Variants in RASGEF1C observed in about 807,000 individuals in gnomAD.
The protein encoded by RASGEF1C is RasGEF domain family member 1C, also known as ras-GEF domain-containing family member 1C.
RASGEF1C carries 27 observed loss-of-function variants against 58.1 expected under a neutral mutation model. The observed-to-expected ratio is 0.46, with a 90% confidence interval of 0.34 to 0.64. The LOEUF (loss-of-function observed/expected upper bound fraction) is 0.64. Among genes scored for constraint, RASGEF1C ranks in the 30% least tolerant of loss-of-function variants. The pLI is 0.01. For missense variants in RASGEF1C, 502 were observed against 605.1 expected (o/e 0.83, Z 1.79); for synonymous variants, 243 against 246.3 (o/e 0.99, Z 0.13).
At position 180,114,438 on chromosome 5, in the gene RASGEF1C, G is replaced by T. The variant is rs773054766; in HGVS notation, c.1179+8C>A. 6.2e-7 allele frequency: 1 copy of T among 1,611,486 alleles called. No homozygotes were observed. The highest frequency in any genetic ancestry group is 2.2e-5 in the East Asian group (1 of 44,792). ...CTACCTCAGTGGCGGTCCACACGGAGGTCCTACCTCAAAGTTGACGTGTCC... is the reference window on the plus strand; with the variant it reads ...CTACCTCAGTGGCGGTCCACACGGATGTCCTACCTCAAAGTTGACGTGTCC... On this transcript the variant is annotated splice_region_variant and intron_variant, in intron 11 of 13. Coordinates refer to ENST00000361132, the MANE Select transcript of RASGEF1C (RefSeq NM_175062.4).
At chr5:180,151,091 T>G (rs1436041809) in intron 1 of RASGEF1C, among the ~76,000 whole-genome samples, 2 of 151,912 alleles carry the variant, frequency 1.3e-5, no homozygotes, top group Non-Finnish European at 2.9e-5. Context: ...GGAAGAACAT[T>G]CCATGCTCAT....
chr5:180,162,715 C>T (rs1170901404), intron 1 of RASGEF1C, among the ~76,000 whole-genome samples: 3 of 152,280 alleles, frequency 2.0e-5, no homozygotes, highest in South Asian at 4.1e-4. Flanking sequence ...AGTTCCTTTG[C>T]CTTTCTATAT....
intron 1 of RASGEF1C, among the ~76,000 whole-genome samples, chr5:180,182,448 G>A (rs115257708): frequency 2.0e-4 from 30 of 152,294 alleles, no homozygotes; most frequent in African/African-American, 5.8e-4. Context: ...AGCTTCCACA[G>A]CTGGAAGAGA....
At chr5:180,173,820 G>C (rs566556661) in intron 1 of RASGEF1C, among the ~76,000 whole-genome samples, 1 of 152,076 alleles carries the variant, frequency 6.6e-6, no homozygotes, top group East Asian at 1.9e-4. Context: ...GGCTGAGGCA[G>C]GAGAATCGCT....
In RASGEF1C at chr5:180,158,249, CA is replaced by C. The variant is rs1167059419; in HGVS notation, c.-6-20192del. Among the ~76,000 whole-genome samples, 1 of 152,176 alleles carries C rather than the reference CA, an allele frequency of 6.6e-6. No homozygotes were observed. The highest frequency in any genetic ancestry group is 1.9e-4 in the East Asian group (1 of 5,198). ...CTCTGGATGTGGTACGAAGCTGTTA[CA>C]CTGAGATCACCTTTCACCATCCTCC... On this transcript the variant is annotated intron_variant, in intron 1 of 13. Transcript: ENST00000361132. The surrounding 1 kb of genome is among the most constrained non-coding windows in gnomAD (Gnocchi z 4.0).
At position 180,119,231 on chromosome 5, in the gene RASGEF1C, C is replaced by T. The variant is rs1432485702; in HGVS notation, c.907+115G>A. On this transcript the variant is annotated intron_variant, in intron 8 of 13. Transcript: ENST00000361132. ...GGCCTTCAGAGAGCCCGGCCCACGCCCTCCCGCTGCTCAGAGGAGAGCCCT... is the reference window on the plus strand; with the variant it reads ...GGCCTTCAGAGAGCCCGGCCCACGCTCTCCCGCTGCTCAGAGGAGAGCCCT... The T allele has an allele frequency of 3.3e-6, 3 of 906,180 alleles. No individual in the cohort carries two copies. In the East Asian group the frequency reaches 7.4e-5, roughly 22 times the overall value. The allele number at this position is 906,180 out of a possible 1,614,324, so 56.1% of individuals were successfully genotyped here.
intron 4 of RASGEF1C, among the ~76,000 whole-genome samples, chr5:180,130,798 A>G (rs1159526599): frequency 6.6e-6 from 1 of 151,768 alleles, no homozygotes; most frequent in Non-Finnish European, 1.5e-5. Context: ...TCTGCTTCAC[A>G]CCTGCAGTCT....
At position 180,136,411 on chromosome 5, in the gene RASGEF1C, C is replaced by T. The variant is rs1457561112; in HGVS notation, c.405G>A (p.Lys135=). The change falls in exon 4 of 14, where the codon AAG becomes AAA. Residue 135 remains lysine (K), a synonymous_variant. Coordinates refer to ENST00000361132, the MANE Select transcript of RASGEF1C (RefSeq NM_175062.4). ...AGGGGGCGATGCGGCCCACGACGTC[C>T]TTAAGGTGCCCGATAGTCGACTCTT... is the stretch of plus-strand genomic sequence containing the variant. ...FQEESTIGHL[K]DVVGRIAPCD... is the part of the protein sequence containing the mutation. The T allele has an allele frequency of 1.9e-6, 3 of 1,560,094 alleles. No individual in the cohort carries two copies. Among genetic ancestry groups the T allele is most frequent in the African/African-American group, 1.4e-5 (1 of 73,414 alleles).
chr5:180,126,432 G>A (rs575914088), intron 6 of RASGEF1C, among the ~76,000 whole-genome samples: 8 of 152,006 alleles, frequency 5.3e-5, no homozygotes, highest in Non-Finnish European at 8.8e-5. Context: ...TCTCCCTCCC[G>A]TTCCTGCCTC....
intron 1 of RASGEF1C, among the ~76,000 whole-genome samples, chr5:180,187,252 T>C (rs1220302549): frequency 1.3e-5 from 2 of 152,214 alleles, no homozygotes; most frequent in African/African-American, 4.8e-5. Context: ...CCTCTTACCA[T>C]ATATAATTAT....
At position 180,130,923 on chromosome 5, in the gene RASGEF1C, G is replaced by C. The variant is rs555496110; in HGVS notation, c.439-2313C>G. Among the ~76,000 whole-genome samples the C allele has an allele frequency of 2.0e-5, 3 of 152,162 alleles. No homozygotes were observed. In the South Asian group the frequency reaches 6.2e-4, roughly 32 times the overall value. On this transcript the variant is annotated intron_variant, in intron 4 of 13. Transcript: ENST00000361132. ...TCCTTGTCCAAAGCTGGTATTCCCA[G>C]TGTTGGTGGATAGCGCGTCGGCCAC...
At chr5:180,152,157 G>A (rs1421189575) in intron 1 of RASGEF1C, among the ~76,000 whole-genome samples, 1 of 152,058 alleles carries the variant, frequency 6.6e-6, no homozygotes, top group Non-Finnish European at 1.5e-5. Flanking sequence ...GGAAGTCAGT[G>A]TGGCGATCCC....
chr5:180,187,846 G>C (rs4700723), intron 1 of RASGEF1C, among the ~76,000 whole-genome samples: 1 of 152,148 alleles, frequency 6.6e-6, no homozygotes, highest in African/African-American at 2.4e-5. Flanking sequence ...AACAGAAAGT[G>C]ATAAGTGTTG....
intron 1 of RASGEF1C, among the ~76,000 whole-genome samples, chr5:180,173,455 C>T (rs1359754710): frequency 6.6e-6 from 1 of 152,194 alleles, no homozygotes; most frequent in Non-Finnish European, 1.5e-5. Flanking sequence ...CTACAGCTGT[C>T]TAAGCAGAAG....
chr5:180,166,768 G>A (rs1169105232), intron 1 of RASGEF1C, among the ~76,000 whole-genome samples: 5 of 151,904 alleles, frequency 3.3e-5, no homozygotes, highest in South Asian at 2.1e-4. Context: ...CACCCGCCTC[G>A]GCCTCCCAAA....
intron 1 of RASGEF1C, among the ~76,000 whole-genome samples, chr5:180,167,344 TCTG>T (rs1180631198): frequency 3.3e-5 from 5 of 152,134 alleles, no homozygotes; most frequent in Admixed American, 6.5e-5. Context: ...TCATCTCCAT[TCTG>T]CTATTAAGTC....
chr5:180,149,277 G>A (rs550648814), intron 1 of RASGEF1C, among the ~76,000 whole-genome samples: 9 of 150,938 alleles, frequency 6.0e-5, no homozygotes, highest in South Asian at 2.1e-4. Flanking sequence ...TAGTAGAGAC[G>A]GAGTTTCACC....
chr5:180,165,410 C>A (rs1166843027), intron 1 of RASGEF1C, among the ~76,000 whole-genome samples: 1 of 152,020 alleles, frequency 6.6e-6, no homozygotes, highest in African/African-American at 2.4e-5. Context: ...TGGCTCACTC[C>A]TGTAATCCCA....
At chr5:180,173,394 G>A (rs1327751588) in intron 1 of RASGEF1C, among the ~76,000 whole-genome samples, 1 of 152,158 alleles carries the variant, frequency 6.6e-6, no homozygotes, top group African/African-American at 2.4e-5. Flanking sequence ...GCTGCCCAGG[G>A]TGTAGGCCAT....
Sources: allele counts gnomAD v4.1 joint callset (sites outside exome capture counted in the v4.1 genomes callset), GRCh38; gene constraint gnomAD v4.1.1; non-coding constraint Gnocchi (gnomAD v3.1); transcripts MANE v1.5; gene names NCBI Gene and HGNC (gene_info 2026-07-23, HGNC 2026-07-21).